Variants in FYB2 observed in about 807,000 individuals in gnomAD.
FYB2 encodes the protein FYN-binding protein 2.
FYB2 carries 103 observed loss-of-function variants against 94.1 expected under a neutral mutation model. The observed-to-expected ratio is 1.09, with a 90% CI of 0.93 to 1.29. The LOEUF is 1.29. FYB2 is among the 50% of genes most tolerant of loss of function. FYB2 has a pLI of 0.00. For synonymous variants in FYB2, 293 were observed against 287.9 expected, an observed-to-expected ratio of 1.02 and a Z score of -0.18; for missense variants, 896 against 841.5, an observed-to-expected ratio of 1.06 and a Z score of -0.80.
chr1:56,723,530 T>A, intron 17 of FYB2, 58 bp downstream of exon 17: 2 of 1,003,660 alleles, frequency 2.0e-6, no homozygotes, highest in Non-Finnish European at 2.9e-6. Flanking sequence ...ATTTTTTTTT[T>A]AAATGAAAGC....
At chr1:56,731,395 G>A (rs186187917) in intron 15 of FYB2, among the ~76,000 whole-genome samples, 3 of 152,138 alleles carry the variant, frequency 2.0e-5, no homozygotes, top group Admixed American at 1.3e-4. Flanking sequence ...GCCCAGGCTG[G>A]TCTCAAACTC....
chr1:56,800,813 G>C (rs1276992417), intron 1 of FYB2, among the ~76,000 whole-genome samples: 1 of 152,088 alleles, frequency 6.6e-6, no homozygotes, highest in Non-Finnish European at 1.5e-5. Flanking sequence ...GACAGCAAAG[G>C]CAGCCCAGAG....
In FYB2 at chr1:56,790,522, C is replaced by G. The variant is rs569093980; in HGVS notation, c.758-1388G>C. On this transcript the variant is annotated intron_variant, in intron 2 of 19. Transcript: ENST00000343433. ...GATAATACATTCTTCTTTCCTTTCT[C>G]TCATCCATCTTTCTTCCCATACATC... is the stretch of plus-strand genomic sequence containing the variant. 2.6e-5 allele frequency among the ~76,000 whole-genome samples: 4 copies of G among 152,330 alleles called. No homozygotes were observed. The East Asian group carries it at 7.7e-4, about 29-fold the overall frequency.
Position 56,751,138 on chromosome 1 carries a change from G to A in FYB2, c.1293C>T (p.Asn431=). 6.2e-7 allele frequency: 1 copy of A among 1,612,804 alleles called. No individual in the cohort carries two copies. The highest frequency in any genetic ancestry group is 8.5e-7 in the Non-Finnish European group (1 of 1,179,240). ...TGGCCTCTTGCTTTCCAGCCAACAT[G>A]TTCCTTCTACCTGTGTGGACGTTGG... ...QMTNVHTGRR[N]MLAGKQEAMI... The change falls in exon 9 of 20, where the codon AAC becomes AAT. Residue 431 remains asparagine, a synonymous_variant. Coordinates refer to ENST00000343433, the MANE Select transcript of FYB2 (RefSeq NM_001004303.5).
chr1:56,731,687 C>A (rs1644714252), intron 15 of FYB2, among the ~76,000 whole-genome samples: 1 of 151,988 alleles, frequency 6.6e-6, no homozygotes, highest in Non-Finnish European at 1.5e-5. Flanking sequence ...TTGGGTCATT[C>A]AACATAGGCA....
At chr1:56,778,901 C>T (rs745608227) in intron 4 of FYB2, among the ~76,000 whole-genome samples, 31 of 152,044 alleles carry the variant, frequency 2.0e-4, no homozygotes, top group Non-Finnish European at 1.5e-4. Flanking sequence ...AAATGGCGGG[C>T]ACATAGTTGG....
chr1:56,772,085 C>G (rs4141547), intron 4 of FYB2, among the ~76,000 whole-genome samples: 43,812 of 151,938 alleles, frequency 0.29, 6,918 homozygotes, highest in African/African-American at 0.42. Flanking sequence ...GTTCCCCTCC[C>G]CCTTCATAAA....
intron 4 of FYB2, among the ~76,000 whole-genome samples, chr1:56,769,082 A>G (rs1557630488): frequency 6.6e-6 from 1 of 152,138 alleles, no homozygotes; most frequent in African/African-American, 2.4e-5. Context: ...CCTGTCACCC[A>G]GGCTGGAGTA....
At chr1:56,752,645 C>T (rs1466203106) in intron 8 of FYB2, among the ~76,000 whole-genome samples, 1 of 152,006 alleles carries the variant, frequency 6.6e-6, no homozygotes, top group Non-Finnish European at 1.5e-5. Flanking sequence ...ATAGTGACCA[C>T]CATCCTTCAA....
intron 1 of FYB2, among the ~76,000 whole-genome samples, chr1:56,799,603 T>A (rs571509061): frequency 2.0e-5 from 3 of 152,302 alleles, no homozygotes; most frequent in Admixed American, 6.5e-5. Flanking sequence ...TTTAATGTAA[T>A]TTAAAAGGTG....
chr1:56,733,639 T>A (rs1321361097), intron 15 of FYB2, among the ~76,000 whole-genome samples: 2 of 152,188 alleles, frequency 1.3e-5, no homozygotes, highest in Non-Finnish European at 2.9e-5. Context: ...TGTGTCTTTG[T>A]TCTCATTGGT....
At chr1:56,760,980 C>T (rs1645478582) in intron 5 of FYB2, among the ~76,000 whole-genome samples, 2 of 152,140 alleles carry the variant, frequency 1.3e-5, no homozygotes, top group Non-Finnish European at 2.9e-5. Flanking sequence ...GCATCAGAGT[C>T]CTCGCTTACT....
intron 1 of FYB2, among the ~76,000 whole-genome samples, chr1:56,797,418 C>T (rs1187913595): frequency 6.6e-6 from 1 of 152,198 alleles, no homozygotes; most frequent in African/African-American, 2.4e-5. Flanking sequence ...CCTTCACTCT[C>T]TACCTACCTT....
At position 56,762,219 on chromosome 1, in the gene FYB2, T is replaced by C. The variant is rs190099001; in HGVS notation, c.1064-3469A>G. On this transcript the variant is annotated intron_variant, in intron 5 of 19. Coordinates refer to ENST00000343433, the MANE Select transcript of FYB2 (RefSeq NM_001004303.5). Reference sequence around the variant, plus strand: ...AGGTATTCTAACTCCTTTGCCTTTCTATATGCATTTTAGGATAATCTTGTC... The same window carrying C: ...AGGTATTCTAACTCCTTTGCCTTTCCATATGCATTTTAGGATAATCTTGTC... Among the ~76,000 whole-genome samples, 40 of 152,310 alleles carry C rather than the reference T, an allele frequency of 2.6e-4. 1 individual carries two copies. Among genetic ancestry groups the C allele is most frequent in the Admixed American group, 2.3e-3 (35 of 15,296 alleles).
chr1:56,721,288 A>C (rs568172652), intron 17 of FYB2, among the ~76,000 whole-genome samples: 1 of 152,180 alleles, frequency 6.6e-6, no homozygotes, highest in East Asian at 1.9e-4. Flanking sequence ...AGTGTGACCA[A>C]ATATCTCCTT....
intron 4 of FYB2, among the ~76,000 whole-genome samples, chr1:56,774,374 G>A (rs1645827980): frequency 6.6e-6 from 1 of 152,030 alleles, no homozygotes; most frequent in African/African-American, 2.4e-5. Flanking sequence ...TTGGCATAAA[G>A]CGTTTGCTAC....
At chr1:56,790,547 CT>C (rs1174193304) in intron 2 of FYB2, among the ~76,000 whole-genome samples, 1 of 152,208 alleles carries the variant, frequency 6.6e-6, no homozygotes, top group Non-Finnish European at 1.5e-5. Context: ...TCCCATACAT[CT>C]TTCTTCCCAT....
At chr1:56,732,255 T>C (rs1359522216) in intron 15 of FYB2, among the ~76,000 whole-genome samples, 1 of 151,982 alleles carries the variant, frequency 6.6e-6, no homozygotes, top group East Asian at 1.9e-4. Flanking sequence ...CAAAAATACA[T>C]AGGAATAAAT....
chr1:56,766,741 C>T (rs537787651), intron 5 of FYB2, among the ~76,000 whole-genome samples: 8 of 152,290 alleles, frequency 5.3e-5, no homozygotes, highest in African/African-American at 1.9e-4. Flanking sequence ...CCGGTCCCAA[C>T]TCCTTATTTC....
Sources: allele counts gnomAD v4.1 joint callset (sites outside exome capture counted in the v4.1 genomes callset), GRCh38; gene constraint gnomAD v4.1.1; transcripts MANE v1.5; gene names NCBI Gene and HGNC (gene_info 2026-07-23, HGNC 2026-07-21).